The following CTNNA1 variants were observed in gnomAD, a reference collection of about 807,000 sequenced individuals.
CTNNA1 encodes the protein catenin alpha-1.
Under a neutral mutation model 98.4 loss-of-function variants are expected in CTNNA1, and 37 were observed. The ratio of observed to expected loss-of-function variants is 0.38; its 90% CI spans 0.29 to 0.49. The LOEUF is 0.49. Among genes scored for constraint, CTNNA1 ranks in the 20% least tolerant of loss-of-function variants. The pLI, the probability that CTNNA1 is intolerant of heterozygous loss-of-function variation, is 0.95. For missense variants in CTNNA1, 761 were observed against 1,147.2 expected (o/e 0.66, Z 4.86); for synonymous variants, 404 against 413.2 (o/e 0.98, Z 0.27).
intron 3 of CTNNA1, among the ~76,000 whole-genome samples, chr5:138,791,673 GTATT>G (rs1378217357): frequency 7.1e-6 from 1 of 139,992 alleles, no homozygotes; most frequent in South Asian, 2.3e-4. Context: ...CAAGAAAGGA[GTATT>G]TATTGTCTGC....
At chr5:138,798,957 C>A (rs1026879332) in intron 3 of CTNNA1, among the ~76,000 whole-genome samples, 2 of 151,852 alleles carry the variant, frequency 1.3e-5, no homozygotes, top group African/African-American at 4.8e-5. Context: ...TAAATTTAAA[C>A]TAACAGGTAT....
In CTNNA1 at chr5:138,873,719, A is replaced by G. The variant is rs371505658; in HGVS notation, c.1063-12493A>G. On this transcript the variant is annotated intron_variant, in intron 7 of 17. Transcript: ENST00000302763. The surrounding 1 kb of genome is among the most constrained non-coding windows in gnomAD (Gnocchi z 6.1). ...TAACTTGTTGTTATCCATGAGGAGT[A>G]TTTTAAGATTGGGCATCGTTTCAAA... is the stretch of plus-strand genomic sequence containing the variant. 1.8e-5 allele frequency: 29 copies of G among 1,613,884 alleles called. No individual in the cohort carries two copies. The highest frequency in any genetic ancestry group is 2.5e-5 in the Non-Finnish European group (29 of 1,179,890).
chr5:138,810,331 T>A (rs903548115), intron 4 of CTNNA1, 127 bp downstream of exon 4: 2 of 990,350 alleles, frequency 2.0e-6, no homozygotes, highest in Non-Finnish European at 3.0e-6. Context: ...GGACCAGAGA[T>A]GTTTTTGTTT....
In CTNNA1 at chr5:138,934,885, T is replaced by G. The variant is rs1265612423; in HGVS notation, c.*796T>G. Reference sequence around the variant, plus strand: ...TAAGGCAGTAATTTAGACTTTACCTTATTTGTGATTACTGTAGTGATTGAT... The same window carrying G: ...TAAGGCAGTAATTTAGACTTTACCTGATTTGTGATTACTGTAGTGATTGAT... On this transcript the variant is annotated 3_prime_UTR_variant, in exon 18 of 18. Transcript: ENST00000302763. 6.8e-6 allele frequency: 1 copy of G among 147,226 alleles called. No individual in the cohort carries two copies. Among genetic ancestry groups the G allele is most frequent in the Non-Finnish European group, 1.5e-5 (1 of 66,530 alleles). 9.1% of individuals were successfully genotyped at this position (147,226 alleles called of 1,614,324 possible). A position where few individuals can be genotyped will look rare whatever the true frequency, so the allele number is the denominator to read the frequency against.
intron 1 of CTNNA1, among the ~76,000 whole-genome samples, chr5:138,757,429 C>G (rs886570765): frequency 6.6e-6 from 1 of 151,906 alleles, no homozygotes; most frequent in African/African-American, 2.4e-5. Context: ...TGATCATGCC[C>G]CTGCACTCCA....
chr5:138,827,834 T>A, intron 7 of CTNNA1, 116 bp downstream of exon 7: 1 of 1,266,758 alleles, frequency 7.9e-7, no homozygotes, highest in East Asian at 2.5e-5. Flanking sequence ...GACTCCTTGA[T>A]TTTTGGGAGT....
chr5:138,774,950 G>A (rs1057219679), intron 1 of CTNNA1, among the ~76,000 whole-genome samples: 1 of 152,168 alleles, frequency 6.6e-6, no homozygotes, highest in Non-Finnish European at 1.5e-5. Flanking sequence ...GAAATTATTT[G>A]TACTCCAAAG....
intron 10 of CTNNA1, among the ~76,000 whole-genome samples, chr5:138,905,326 G>A (rs779074522): frequency 2.3e-4 from 35 of 152,088 alleles, no homozygotes; most frequent in Non-Finnish European, 4.0e-4. Context: ...TCCATTGCTG[G>A]AAAATACAGG....
At chr5:138,797,546 T>C (rs1227803614) in intron 3 of CTNNA1, among the ~76,000 whole-genome samples, 1 of 152,132 alleles carries the variant, frequency 6.6e-6, no homozygotes, top group East Asian at 1.9e-4. Context: ...CTGGCAAAAA[T>C]ATTTTTTCTG....
In CTNNA1 at chr5:138,810,923, A is replaced by AC. The variant is rs1321656371; in HGVS notation, c.468+726dup. Reference sequence around the variant, plus strand: ...GGGCGGCTGGCCGGGCAGGGGGCTGACCCCCCCACCTCCCTCCCGGACGGG... The same window carrying AC: ...GGGCGGCTGGCCGGGCAGGGGGCTGACCCCCCCCACCTCCCTCCCGGACGGG... On this transcript the variant is annotated intron_variant, in intron 4 of 17. Coordinates refer to ENST00000302763, the MANE Select transcript of CTNNA1 (RefSeq NM_001903.5). Among the ~76,000 whole-genome samples the AC allele has an allele frequency of 7.7e-3, 983 of 128,418 alleles. 14 individuals carry two copies. The highest frequency in any genetic ancestry group is 0.024 in the African/African-American group (851 of 35,284). The allele number at this position is 128,418 out of a possible 152,430, so 84.2% of individuals were successfully genotyped here. A position where few individuals can be genotyped will look rare whatever the true frequency, so the allele number is the denominator to read the frequency against.
chr5:138,843,274 T>A (rs1158170075), intron 7 of CTNNA1, among the ~76,000 whole-genome samples: 1 of 152,250 alleles, frequency 6.6e-6, no homozygotes, highest in Non-Finnish European at 1.5e-5. Context: ...GGAGTTCATT[T>A]AGTATTCTCA....
At chr5:138,800,913 T>C (rs905218159) in intron 3 of CTNNA1, among the ~76,000 whole-genome samples, 1 of 152,230 alleles carries the variant, frequency 6.6e-6, no homozygotes, top group Non-Finnish European at 1.5e-5. Context: ...TCTTACAATG[T>C]CATGACTTTT....
chr5:138,827,462 A>G (rs528772475), intron 6 of CTNNA1, 53 bp from the exon 7 acceptor site: 18 of 1,585,126 alleles, frequency 1.1e-5, no homozygotes, highest in Non-Finnish European at 1.5e-5. Flanking sequence ...CTCACCTTGA[A>G]TAAAGAAGGG....
intron 1 of CTNNA1, among the ~76,000 whole-genome samples, chr5:138,767,070 T>G (rs1333802799): frequency 6.6e-6 from 1 of 152,174 alleles, no homozygotes. Flanking sequence ...AGAGTCTCGC[T>G]CTGTCGTCCA....
chr5:138,885,373 ACAAG>A (rs1753804808), intron 7 of CTNNA1, among the ~76,000 whole-genome samples: 1 of 152,180 alleles, frequency 6.6e-6, no homozygotes, highest in Non-Finnish European at 1.5e-5. Flanking sequence ...TTTTGCGAAA[ACAAG>A]CTTTTAATAT....
intron 8 of CTNNA1, among the ~76,000 whole-genome samples, chr5:138,887,190 T>G (rs1460903369): frequency 1.3e-5 from 2 of 152,178 alleles, no homozygotes. Flanking sequence ...GTTCAGCTTT[T>G]GTATTATTTA....
intron 7 of CTNNA1, among the ~76,000 whole-genome samples, chr5:138,850,478 A>G (rs894369021): frequency 2.0e-5 from 3 of 152,226 alleles, no homozygotes; most frequent in Non-Finnish European, 2.9e-5. Context: ...GGATACTTCT[A>G]TTTAACAAAT....
intron 10 of CTNNA1, 118 bp downstream of exon 10, chr5:138,904,559 G>T: frequency 1.5e-6 from 2 of 1,310,208 alleles, no homozygotes; most frequent in East Asian, 2.5e-5. Flanking sequence ...GAAGTCTTGG[G>T]GACAGATCAC....
intron 7 of CTNNA1, among the ~76,000 whole-genome samples, chr5:138,856,254 A>T (rs1157752082): frequency 6.6e-6 from 1 of 152,218 alleles, no homozygotes; most frequent in Admixed American, 6.5e-5. Flanking sequence ...AACAAATTAA[A>T]CCTTATAATA....
Sources: gnomAD v4.1 joint callset for allele counts (sites outside exome capture counted in the v4.1 genomes callset) on GRCh38, gnomAD v4.1.1 for gene constraint, Gnocchi (gnomAD v3.1) non-coding constraint, MANE v1.5 for transcripts, NCBI Gene and HGNC (gene_info 2026-07-23, HGNC 2026-07-21) for gene names.